WDFY4: variants seen among roughly 807,000 people sequenced by gnomAD.
WDFY4 encodes WDFY family member 4, also known as WD repeat- and FYVE domain-containing protein 4.
WDFY4 carries 169 observed loss-of-function variants against 351.9 expected under a neutral mutation model. The observed-to-expected ratio is 0.48, with a 90% confidence interval of 0.42 to 0.55. WDFY4 has a LOEUF of 0.55. WDFY4 is among the 20% of genes least tolerant of loss of function. The pLI, the probability that WDFY4 is intolerant of heterozygous loss-of-function variation, is 0.00. For synonymous variants in WDFY4, 1,622 were observed against 1,574.6 expected, an observed-to-expected ratio of 1.03 and a Z score of -0.71; for missense variants, 3,803 against 3,935.6, an observed-to-expected ratio of 0.97 and a Z score of 0.90.
intron 12 of WDFY4, among the ~76,000 whole-genome samples, chr10:48,757,044 G>C (rs887142989): frequency 2.6e-5 from 4 of 152,036 alleles, no homozygotes; most frequent in African/African-American, 4.8e-5. Flanking sequence ...GAATTTGCTG[G>C]TGAAAACACT....
intron 20 of WDFY4, among the ~76,000 whole-genome samples, chr10:48,788,201 G>T (rs1221822667): frequency 6.6e-6 from 1 of 151,244 alleles, no homozygotes; most frequent in Non-Finnish European, 1.5e-5. Flanking sequence ...CTGATTTTTT[G>T]TACTTTTAGT....
rs189292950 is a variant in WDFY4 at position 48,818,406 on chromosome 10, C to T, written c.5505+997C>T. On this transcript the variant is annotated intron_variant, in intron 32 of 61. Coordinates refer to ENST00000325239, the MANE Select transcript of WDFY4 (RefSeq NM_001394531.1). ...AGAAGCATACCCATGGCGGCAGCCT[C>T]CATCTCCTGAAACTGGTGCTTTAGA... is the stretch of plus-strand genomic sequence containing the variant. Among the ~76,000 whole-genome samples the T allele has an allele frequency of 1.2e-4, 18 of 152,300 alleles. No homozygotes were observed. The East Asian group carries it at 3.1e-3, about 26-fold the overall frequency.
chr10:48,782,215 TA>T (rs1406017061), intron 19 of WDFY4, among the ~76,000 whole-genome samples: 1 of 152,252 alleles, frequency 6.6e-6, no homozygotes, highest in Non-Finnish European at 1.5e-5. Context: ...GTGGTTGCAA[TA>T]TCTTTGTTTT....
At chr10:48,743,674 C>A in intron 12 of WDFY4, 126 bp downstream of exon 12, 1 of 1,094,254 alleles carries the variant, frequency 9.1e-7, no homozygotes, top group Non-Finnish European at 1.3e-6. Context: ...GTCATGTGAC[C>A]TCAACTTCCT....
rs556573538 is a variant in WDFY4 at position 48,725,545 on chromosome 10, G to T, written c.592-336G>T. 4.6e-5 allele frequency among the ~76,000 whole-genome samples: 7 copies of T among 152,204 alleles called. No homozygotes were observed. In the South Asian group the frequency reaches 1.0e-3, roughly 23 times the overall value. On this transcript the variant is annotated intron_variant, in intron 5 of 61. Transcript: ENST00000325239. ...CACTTCCCTTTTTAAATAGCACAAGGTTCTGTTAATTCTATACCTTAATTG... is the reference window on the plus strand; with the variant it reads ...CACTTCCCTTTTTAAATAGCACAAGTTTCTGTTAATTCTATACCTTAATTG...
At position 48,877,080 on chromosome 10, in the gene WDFY4, G is replaced by T; in HGVS notation, c.7048G>T (p.Val2350Leu). Residue 2350 changes from valine to leucine, a missense_variant, in exon 43 of 62, where the codon GTG becomes TTG. Transcript: ENST00000325239. Reference sequence around the variant, plus strand: ...TGAGGGCGAGCCGGACGAGGTGGGGGTGGACTGCACCCAGCTGACCTTCTT... The same window carrying T: ...TGAGGGCGAGCCGGACGAGGTGGGGTTGGACTGCACCCAGCTGACCTTCTT... ...EAEGEPDEVG[V>L]DCTQLTFFPA... The T allele has an allele frequency of 6.5e-7, 1 of 1,535,824 alleles. No homozygotes were observed. Among genetic ancestry groups the T allele is most frequent in the Non-Finnish European group, 8.8e-7 (1 of 1,137,774 alleles).
At chr10:48,738,572 TG>T (rs2064748913) in intron 11 of WDFY4, among the ~76,000 whole-genome samples, 1 of 152,192 alleles carries the variant, frequency 6.6e-6, no homozygotes, top group African/African-American at 2.4e-5. Flanking sequence ...AGGGGGCACT[TG>T]GGAGGAATGG....
chr10:48,786,536 A>T, intron 19 of WDFY4, 103 bp from the exon 20 acceptor site: 1 of 836,964 alleles, frequency 1.2e-6, no homozygotes, highest in Non-Finnish European at 1.7e-6. Flanking sequence ...ATACATTTTT[A>T]CTATGAGATG....
chr10:48,837,436 G>C (rs937942663), intron 39 of WDFY4, among the ~76,000 whole-genome samples: 1 of 152,208 alleles, frequency 6.6e-6, no homozygotes, highest in African/African-American at 2.4e-5. Flanking sequence ...CTATAGGTGA[G>C]ATTACAGGTG....
chr10:48,770,063 C>G (rs1407331420), intron 13 of WDFY4, among the ~76,000 whole-genome samples: 1 of 152,194 alleles, frequency 6.6e-6, no homozygotes, highest in African/African-American at 2.4e-5. Flanking sequence ...CTACTGCTAT[C>G]TTCACTAAAA....
rs199617423 is a variant in WDFY4 at position 48,707,550 on chromosome 10, GGCATGTGAT to G, written c.-17-2163_-17-2155del. Among the ~76,000 whole-genome samples the G allele has an allele frequency of 8.6e-3, 1,305 of 152,280 alleles. 7 individuals carry two copies. The highest frequency in any genetic ancestry group is 0.029 in the African/African-American group (1,219 of 41,566). On this transcript the variant is annotated intron_variant, in intron 1 of 61. Transcript: ENST00000325239. ...TCAGAGAAAGCCAACAAGTAAAATA[GGCATGTGAT>G]GCCCACTTTGGAACACAAGGTAGCA... is the stretch of plus-strand genomic sequence containing the variant.
At chr10:48,782,674 T>C (rs1291368428) in intron 19 of WDFY4, among the ~76,000 whole-genome samples, 1 of 152,268 alleles carries the variant, frequency 6.6e-6, no homozygotes, top group Admixed American at 6.5e-5. Flanking sequence ...AAACATCTGT[T>C]GGACAAGAGT....
intron 43 of WDFY4, 36 bp downstream of exon 43, chr10:48,877,235 T>G: frequency 6.5e-7 from 1 of 1,529,314 alleles, no homozygotes; most frequent in Middle Eastern, 1.7e-4. Context: ...TTAAGATTTT[T>G]AAGTTAGTTG....
At chr10:48,920,198 C>T (rs1471715961) in intron 47 of WDFY4, among the ~76,000 whole-genome samples, 1 of 152,090 alleles carries the variant, frequency 6.6e-6, no homozygotes, top group Non-Finnish European at 1.5e-5. Flanking sequence ...TAAAAACTCT[C>T]AGCAAACTGG....
intron 13 of WDFY4, among the ~76,000 whole-genome samples, chr10:48,762,566 G>T (rs1215305081): frequency 6.6e-6 from 1 of 152,242 alleles, no homozygotes; most frequent in African/African-American, 2.4e-5. Flanking sequence ...GCTCCACATG[G>T]TGCTGGTGGG....
intron 47 of WDFY4, among the ~76,000 whole-genome samples, chr10:48,927,299 T>C (rs916058931): frequency 6.6e-6 from 1 of 152,164 alleles, no homozygotes; most frequent in Non-Finnish European, 1.5e-5. Flanking sequence ...CTTCATAAAG[T>C]GACCTCTCCT....
intron 47 of WDFY4, among the ~76,000 whole-genome samples, chr10:48,928,418 G>A (rs1839769301): frequency 6.7e-6 from 1 of 149,922 alleles, no homozygotes; most frequent in Admixed American, 6.7e-5. Flanking sequence ...TGGCACAGGA[G>A]GCAGCAGCAT....
intron 23 of WDFY4, among the ~76,000 whole-genome samples, chr10:48,794,503 G>A (rs1407617649): frequency 2.6e-5 from 4 of 151,986 alleles, no homozygotes; most frequent in Non-Finnish European, 5.9e-5. Flanking sequence ...AAATATGAGG[G>A]TCATCGCCAC....
At chr10:48,938,445 C>T (rs1264777260) in intron 47 of WDFY4, among the ~76,000 whole-genome samples, 1 of 152,250 alleles carries the variant, frequency 6.6e-6, no homozygotes, top group Non-Finnish European at 1.5e-5. Flanking sequence ...TCTAACCCAC[C>T]ATATCTGGAG....
Sources: allele counts gnomAD v4.1 joint callset (sites outside exome capture counted in the v4.1 genomes callset), GRCh38; gene constraint gnomAD v4.1.1; transcripts MANE v1.5; gene names NCBI Gene and HGNC (gene_info 2026-07-23, HGNC 2026-07-21).